The following ATF6 variants were observed in gnomAD, a reference collection of about 807,000 sequenced individuals.
ATF6 encodes activating transcription factor 6, also known as cyclic AMP-dependent transcription factor ATF-6 alpha.
In ATF6, 53 loss-of-function variants were observed where a neutral mutation model predicts 83.6. That is an observed-to-expected ratio of 0.63 (90% CI 0.51 to 0.80). The LOEUF (loss-of-function observed/expected upper bound fraction) is 0.80. Among genes scored for constraint, ATF6 ranks in the 30% least tolerant of loss-of-function variants. ATF6 has a pLI of 0.00. For missense variants in ATF6, 744 were observed against 797.9 expected (o/e 0.93, Z 0.81); for synonymous variants, 288 against 285.8 (o/e 1.01, Z -0.08).
intron 9 of ATF6, among the ~76,000 whole-genome samples, chr1:161,825,141 T>G (rs565404079): frequency 6.6e-6 from 1 of 152,278 alleles, no homozygotes; most frequent in East Asian, 1.9e-4. Context: ...AGTGGTGTGA[T>G]CGTAGCTCAC....
At chr1:161,908,337 T>C (rs1687918589) in intron 14 of ATF6, among the ~76,000 whole-genome samples, 1 of 152,196 alleles carries the variant, frequency 6.6e-6, no homozygotes, top group Non-Finnish European at 1.5e-5. Context: ...TTTGTTTTCT[T>C]AAAAAGACAA....
At position 161,958,777 on chromosome 1, in the gene ATF6, G is replaced by A. The variant is rs1475453577; in HGVS notation, c.*123G>A. 4.9e-6 allele frequency: 4 copies of A among 808,374 alleles called. No individual in the cohort carries two copies. Among genetic ancestry groups the A allele is most frequent in the Admixed American group, 3.0e-5 (1 of 33,486 alleles). 50.1% of individuals were successfully genotyped at this position (808,374 alleles called of 1,614,324 possible). The stretch of plus-strand genomic sequence containing the variant: ...ACTGTCTCGTACTAGAATTCAAGGA[G>A]GAAAGAAGAAGAAATAAAAGAAGCT... On this transcript the variant is annotated 3_prime_UTR_variant, in exon 16 of 16. Transcript: ENST00000367942.
intron 15 of ATF6, among the ~76,000 whole-genome samples, chr1:161,937,848 C>T (rs1452871509): frequency 6.6e-6 from 1 of 151,566 alleles, no homozygotes; most frequent in Non-Finnish European, 1.5e-5. Flanking sequence ...ATGTAACAAA[C>T]CTGCACGTTC....
chr1:161,778,340 G>T lies in ATF6; in HGVS notation c.159+20G>T. ...ACGTATGTAAGTATTTACTAAGGTT[G>T]AATAATGTGATATTTAGTCTTTAAC... On this transcript the variant is annotated intron_variant, in intron 2 of 15. Transcript: ENST00000367942. 1 of 1,584,562 alleles carries T rather than the reference G, an allele frequency of 6.3e-7. No homozygotes were observed. Among genetic ancestry groups the T allele is most frequent in the South Asian group, 1.1e-5 (1 of 90,158 alleles).
intron 15 of ATF6, among the ~76,000 whole-genome samples, chr1:161,920,145 A>G (rs944513087): frequency 1.3e-5 from 2 of 152,062 alleles, no homozygotes; most frequent in African/African-American, 4.8e-5. Context: ...TTTTTAAAAA[A>G]GTATTATCTA....
At chr1:161,928,551 T>A (rs1688365256) in intron 15 of ATF6, among the ~76,000 whole-genome samples, 1 of 152,102 alleles carries the variant, frequency 6.6e-6, no homozygotes, top group Non-Finnish European at 1.5e-5. Context: ...ATTCATTCCA[T>A]CCAAATTTAG....
chr1:161,963,083 T>C lies in ATF6; in HGVS notation c.*4429T>C, dbSNP rs892979750. On this transcript the variant is annotated 3_prime_UTR_variant, in exon 16 of 16. Coordinates refer to ENST00000367942, the MANE Select transcript of ATF6 (RefSeq NM_007348.4). Reference sequence around the variant, plus strand: ...GGATTGGGATTGATTTTTAATTTCCTAGGAAACAATACTAGACTACCCAAA... The same window carrying C: ...GGATTGGGATTGATTTTTAATTTCCCAGGAAACAATACTAGACTACCCAAA... 2.0e-5 allele frequency: 3 copies of C among 152,210 alleles called. No homozygotes were observed. The highest frequency in any genetic ancestry group is 7.2e-5 in the African/African-American group (3 of 41,454). The allele number at this position is 152,210 out of a possible 1,614,324, so 9.4% of individuals were successfully genotyped here.
At chr1:161,806,985 G>A (rs755352111) in intron 7 of ATF6, among the ~76,000 whole-genome samples, 6 of 152,102 alleles carry the variant, frequency 3.9e-5, no homozygotes, top group African/African-American at 9.7e-5. Flanking sequence ...TTGCAGTGGA[G>A]GAACATGAGC....
intron 14 of ATF6, among the ~76,000 whole-genome samples, chr1:161,890,407 T>G (rs1003879025): frequency 1.3e-5 from 2 of 152,232 alleles, no homozygotes; most frequent in Non-Finnish European, 2.9e-5. Context: ...AAGTGAACCT[T>G]GCTCTGGAGA....
chr1:161,901,532 T>C (rs1159442232), intron 14 of ATF6, among the ~76,000 whole-genome samples: 4 of 151,978 alleles, frequency 2.6e-5, no homozygotes. Context: ...TAGCACTGTT[T>C]TACAGTTTTG....
intron 14 of ATF6, among the ~76,000 whole-genome samples, chr1:161,908,616 A>G (rs1687924620): frequency 6.8e-6 from 1 of 146,522 alleles, no homozygotes; most frequent in African/African-American, 2.5e-5. Flanking sequence ...ATTTCATTCC[A>G]GAGGAAATCC....
intron 9 of ATF6, among the ~76,000 whole-genome samples, chr1:161,844,925 G>A (rs1229633423): frequency 6.6e-6 from 1 of 152,144 alleles, no homozygotes; most frequent in East Asian, 1.9e-4. Context: ...ATATTGATGT[G>A]TGACTGCTCA....
chr1:161,876,809 G>T (rs996582520), intron 14 of ATF6, among the ~76,000 whole-genome samples: 3 of 151,766 alleles, frequency 2.0e-5, no homozygotes, highest in African/African-American at 7.3e-5. Context: ...TATCTTTTCT[G>T]TATCTTATAT....
At position 161,766,417 on chromosome 1, in the gene ATF6, CTT is replaced by C; in HGVS notation, c.59_60del (p.Phe20SerfsTer5). On this transcript the variant is annotated frameshift_variant, in exon 1 of 16. Transcript: ENST00000367942. LOFTEE classifies it high-confidence loss of function. The part of the protein sequence containing the change: ...TMESPFSPGL[F>X]HRLDEDWDSA... ...TGGAGTCACCTTTTAGCCCGGGACT[CTT>C]TCACAGGCTGGATGAAGATTGGGGT... The C allele has an allele frequency of 6.2e-7, 1 of 1,613,466 alleles. No individual in the cohort carries two copies. Among genetic ancestry groups the C allele is most frequent in the Non-Finnish European group, 8.5e-7 (1 of 1,179,712 alleles).
At chr1:161,771,547 C>T (rs1298503653) in intron 1 of ATF6, among the ~76,000 whole-genome samples, 3 of 152,306 alleles carry the variant, frequency 2.0e-5, no homozygotes, top group Middle Eastern at 3.4e-3. Context: ...GTTGAAATCT[C>T]ATTTTGTCAC....
chr1:161,768,780 G>T (rs1285263767), intron 1 of ATF6, among the ~76,000 whole-genome samples: 2 of 151,958 alleles, frequency 1.3e-5, no homozygotes, highest in African/African-American at 2.4e-5. Context: ...TTGCTGTGTT[G>T]CCCAGACTGG....
chr1:161,945,931 T>C (rs1446572305), intron 15 of ATF6, among the ~76,000 whole-genome samples: 1 of 152,160 alleles, frequency 6.6e-6, no homozygotes, highest in African/African-American at 2.4e-5. Context: ...CATTTCTATG[T>C]CTCCTGCTTA....
At chr1:161,772,198 T>A (rs1684402677) in intron 1 of ATF6, among the ~76,000 whole-genome samples, 1 of 152,196 alleles carries the variant, frequency 6.6e-6, no homozygotes. Context: ...ACTATTTCCT[T>A]CCTTTCACCT....
intron 14 of ATF6, among the ~76,000 whole-genome samples, chr1:161,895,958 G>GA (rs1558015032): frequency 6.6e-6 from 1 of 152,108 alleles, no homozygotes; most frequent in South Asian, 2.1e-4. Context: ...TGATCTTTGA[G>GA]AAAAAATAAA....
Sources: allele counts gnomAD v4.1 joint callset (sites outside exome capture counted in the v4.1 genomes callset), GRCh38; gene constraint gnomAD v4.1.1; transcripts MANE v1.5; gene names NCBI Gene and HGNC (gene_info 2026-07-23, HGNC 2026-07-21).